PPP2R3B: variants seen among roughly 807,000 people sequenced by gnomAD.
PPP2R3B encodes the protein serine/threonine-protein phosphatase 2A regulatory subunit B'' subunit beta.
In PPP2R3B, 68 loss-of-function variants were observed where a neutral mutation model predicts 72.9. The ratio of observed to expected loss-of-function variants is 0.93; its 90% confidence interval spans 0.77 to 1.14. The LOEUF (loss-of-function observed/expected upper bound fraction) is 1.14. Among genes scored for constraint, PPP2R3B ranks in the 50% most tolerant of loss-of-function variants. The pLI, the probability that PPP2R3B is intolerant of heterozygous loss-of-function variation, is 0.00. For missense variants in PPP2R3B, 1,018 were observed against 842.0 expected (o/e 1.21, Z -2.59); for synonymous variants, 466 against 375.8 (o/e 1.24, Z -2.78).
chrX:334,455 T>C lies in PPP2R3B; in HGVS notation c.1640A>G (p.Gln547Arg). Residue 547 changes from glutamine (Q) to arginine (R), a missense_variant, in exon 13 of 13, where the codon CAG (glutamine) becomes CGG (arginine). By Grantham distance (43) the Gln-to-Arg change is conservative. Coordinates refer to ENST00000390665, the MANE Select transcript of PPP2R3B (RefSeq NM_013239.5). Reference sequence around the variant, plus strand: ...TGAGGGCGCCTCGAAGAAGGGCCTCTGGGCCAGCGGGGAGCGCAGCGCACT... The same window carrying C: ...TGAGGGCGCCTCGAAGAAGGGCCTCCGGGCCAGCGGGGAGCGCAGCGCACT... ...KLSALRSPLA[Q>R]RPFFEAPSPL... 5 of 1,596,030 alleles carry C rather than the reference T, an allele frequency of 3.1e-6. No individual in the cohort carries two copies. The highest frequency in any genetic ancestry group is 1.7e-5 in the Admixed American group (1 of 58,898).
rs750991485 is a variant in PPP2R3B at position 334,273 on chromosome X, G to A, written c.*94C>T. 234 of 1,299,682 alleles carry A rather than the reference G, an allele frequency of 1.8e-4. 2 individuals are homozygous for A. The South Asian group carries it at 2.0e-3, about 11-fold the overall frequency. The allele number at this position is 1,299,682 out of a possible 1,614,324, so 80.5% of individuals were successfully genotyped here. A position where few individuals can be genotyped will look rare whatever the true frequency, so the allele number is the denominator to read the frequency against. ...TAAAAGTTTATCATTCCGTACAAAC[G>A]CACTCATTTTCCACAACAGTTTTTA... On this transcript the variant is annotated 3_prime_UTR_variant, in exon 13 of 13. Coordinates refer to ENST00000390665, the MANE Select transcript of PPP2R3B (RefSeq NM_013239.5).
chrX:345,259 G>A (rs1306985260), intron 7 of PPP2R3B: 3 of 685,896 alleles, frequency 4.4e-6, no homozygotes, highest in African/African-American at 3.5e-5. Flanking sequence ...GGAGCTTCAG[G>A]ACCAGCGGCC....
chrX:382,671 T>C (rs1231065754), intron 1 of PPP2R3B, among the ~76,000 whole-genome samples: 1 of 152,172 alleles, frequency 6.6e-6, no homozygotes, highest in African/African-American at 2.4e-5. Context: ...CTTGCCTGAT[T>C]TACAGAATAT....
chrX:346,208 GTGA>G lies in PPP2R3B; in HGVS notation c.842_844del (p.Ile281del), dbSNP rs1291981294. The G allele has an allele frequency of 4.5e-6, 7 of 1,569,650 alleles. No homozygotes were observed. The highest frequency in any genetic ancestry group is 6.0e-6 in the Non-Finnish European group (7 of 1,159,504). ...GGAGCTCCTCCGCAGCTCGGCGCAG[GTGA>G]TCCTGCCGGACCAGGACCGGTTCAC... is the stretch of plus-strand genomic sequence containing the variant. On this transcript the variant is annotated inframe_deletion, in exon 6 of 13. Coordinates refer to ENST00000390665, the MANE Select transcript of PPP2R3B (RefSeq NM_013239.5).
At chrX:386,296 T>C (rs975753357) in intron 1 of PPP2R3B, 72 bp downstream of exon 1, 14 of 1,224,228 alleles carry the variant, frequency 1.1e-5, no homozygotes, top group South Asian at 7.8e-5. Context: ...CCAGCCTCCA[T>C]CGCGCAGCCA....
intron 2 of PPP2R3B, among the ~76,000 whole-genome samples, chrX:357,916 G>A (rs779540774): frequency 1.3e-3 from 194 of 152,294 alleles, no homozygotes; most frequent in Non-Finnish European, 1.8e-4. Context: ...GAAGAACCGG[G>A]CCAGGAGAAG....
chrX:386,664 C>T lies in PPP2R3B; in HGVS notation c.28G>A (p.Val10Ile), dbSNP rs763004266. MPPGKVLQP[V>I]LKMKVDELFL... ...AGCTCGTCCACCTTCATCTTCAGGA[C>T]CGGCTGCAGCACTTTGCCGGGCGGC... is the stretch of plus-strand genomic sequence containing the variant. The change falls in exon 1 of 13, where the codon GTC (valine) becomes ATC (isoleucine). Residue 10 changes from valine to isoleucine, a missense_variant. By Grantham distance (29) the Val-to-Ile change is conservative. Coordinates refer to ENST00000390665, the MANE Select transcript of PPP2R3B (RefSeq NM_013239.5). 13 of 1,377,822 alleles carry T rather than the reference C, an allele frequency of 9.4e-6. No homozygotes were observed. Among genetic ancestry groups the T allele is most frequent in the Middle Eastern group, 5.3e-4 (2 of 3,764 alleles). The allele number at this position is 1,377,822 out of a possible 1,614,324, so 85.3% of individuals were successfully genotyped here. A position where few individuals can be genotyped will look rare whatever the true frequency, so the allele number is the denominator to read the frequency against.
At chrX:336,074 G>T (rs1033864531) in intron 12 of PPP2R3B, 1 of 152,182 alleles carries the variant, frequency 6.6e-6, no homozygotes, top group African/African-American at 2.4e-5. Flanking sequence ...GGGCTCAGGT[G>T]CGAGGATTCC....
At position 361,699 on chromosome X, in the gene PPP2R3B, G is replaced by A. The variant is rs777975492; in HGVS notation, c.325-109C>T. 7.5e-5 allele frequency: 97 copies of A among 1,285,278 alleles called. 1 individual carries two copies. The African/African-American group carries it at 1.4e-3, about 18-fold the overall frequency. The allele number at this position is 1,285,278 out of a possible 1,614,324, so 79.6% of individuals were successfully genotyped here. On this transcript the variant is annotated intron_variant, in intron 1 of 12. Transcript: ENST00000390665. ...AGGGCCGACAGTGCTGAGGCCACCTGATCCCAGCCGGGAGAGGACACACTG... is the reference window on the plus strand; with the variant it reads ...AGGGCCGACAGTGCTGAGGCCACCTAATCCCAGCCGGGAGAGGACACACTG...
intron 1 of PPP2R3B, among the ~76,000 whole-genome samples, chrX:363,524 G>GTGCATCTCCATGAGTCCACGATCCCA (rs2071599929): frequency 5.7e-4 from 3 of 5,236 alleles, no homozygotes; most frequent in African/African-American, 8.1e-4. Flanking sequence ...CCGCGATCCC[G>GTGCATCTCCATGAGTCCACGATCCCA]CAGTGCATCT....
In PPP2R3B at chrX:347,216, G is replaced by A. The variant is rs1345769555; in HGVS notation, c.717+18C>T. On this transcript the variant is annotated intron_variant, in intron 4 of 12. Coordinates refer to ENST00000390665, the MANE Select transcript of PPP2R3B (RefSeq NM_013239.5). ...TCCCGTGAAGGATAAGGCCTGTGGTGTAGACGCAGGCTCTCACCTGCAAGA... is the reference window on the plus strand; with the variant it reads ...TCCCGTGAAGGATAAGGCCTGTGGTATAGACGCAGGCTCTCACCTGCAAGA... The A allele has an allele frequency of 1.8e-5, 29 of 1,603,604 alleles. No individual in the cohort carries two copies. The highest frequency in any genetic ancestry group is 2.3e-5 in the Non-Finnish European group (27 of 1,171,162).
chrX:348,887 C>T (rs929009641), intron 2 of PPP2R3B, among the ~76,000 whole-genome samples: 3 of 152,028 alleles, frequency 2.0e-5, no homozygotes, highest in South Asian at 2.1e-4. Context: ...AAACGAGGGG[C>T]GTTTCCCAGT....
chrX:334,139 T>G lies in PPP2R3B; in HGVS notation c.*228A>C, dbSNP rs929760853. On this transcript the variant is annotated 3_prime_UTR_variant, in exon 13 of 13. Coordinates refer to ENST00000390665, the MANE Select transcript of PPP2R3B (RefSeq NM_013239.5). The stretch of plus-strand genomic sequence containing the variant: ...CGGCAAGCGCCAGAGGGTGTCCGTG[T>G]GGGAACCCGTCCCATTCACGCGCGG... The G allele has an allele frequency of 9.3e-6, 4 of 430,578 alleles. No homozygotes were observed. The highest frequency in any genetic ancestry group is 1.6e-5 in the Non-Finnish European group (4 of 252,242). 26.7% of individuals were successfully genotyped at this position (430,578 alleles called of 1,614,324 possible).
intron 2 of PPP2R3B, among the ~76,000 whole-genome samples, chrX:360,572 C>G (rs56279064): frequency 6.6e-6 from 1 of 151,924 alleles, no homozygotes; most frequent in East Asian, 1.9e-4. Flanking sequence ...TGCTCACTCC[C>G]GAGGACCCCC....
At chrX:363,667 C>T (rs2071610551) in intron 1 of PPP2R3B, among the ~76,000 whole-genome samples, 1 of 149,178 alleles carries the variant, frequency 6.7e-6, no homozygotes, top group Non-Finnish European at 1.5e-5. Context: ...CCCACCATCC[C>T]ACAATGCATC....
chrX:360,029 C>T (rs1428787921), intron 2 of PPP2R3B, among the ~76,000 whole-genome samples: 5 of 152,058 alleles, frequency 3.3e-5, no homozygotes, highest in South Asian at 2.1e-4. Context: ...CTTTCAGACC[C>T]GTATTGCCCT....
At chrX:345,197 C>G in intron 7 of PPP2R3B, 1 of 602,202 alleles carries the variant, frequency 1.7e-6, no homozygotes, top group Non-Finnish European at 3.1e-6. Flanking sequence ...CCTGCCCGCC[C>G]TTGCTCGGGT....
At chrX:338,029 AGT>A (rs1417094016) in intron 12 of PPP2R3B, 1 of 158,334 alleles carries the variant, frequency 6.3e-6, no homozygotes, top group Non-Finnish European at 1.4e-5. Flanking sequence ...ATAACCAGTC[AGT>A]GTCTCCTCCT....
chrX:377,682 G>T (rs1231370629), intron 1 of PPP2R3B, among the ~76,000 whole-genome samples: 1 of 116,044 alleles, frequency 8.6e-6, no homozygotes, highest in African/African-American at 3.4e-5. Context: ...CAGTGGGGCC[G>T]CCATGGGGCT....
Sources: gnomAD v4.1 joint callset for allele counts (sites outside exome capture counted in the v4.1 genomes callset) on GRCh38, gnomAD v4.1.1 for gene constraint, MANE v1.5 for transcripts, NCBI Gene and HGNC (gene_info 2026-07-23, HGNC 2026-07-21) for gene names.